The following TNS3 variants were observed in gnomAD, a reference collection of about 807,000 sequenced individuals.
TNS3 encodes tensin 3.
In TNS3, 45 loss-of-function variants were observed where a neutral mutation model predicts 140.9. The observed-to-expected ratio is 0.32, with a 90% CI of 0.25 to 0.41. The LOEUF (loss-of-function observed/expected upper bound fraction) is 0.41, where lower values mean the gene tolerates loss of function less well. TNS3 is among the 10% of genes least tolerant of loss of function. TNS3 has a pLI of 1.00. For missense variants in TNS3, 1,716 were observed against 1,906.7 expected (o/e 0.90, Z 1.86); for synonymous variants, 815 against 788.4 (o/e 1.03, Z -0.56).
At chr7:47,420,502 G>A (rs998235037) in intron 10 of TNS3, among the ~76,000 whole-genome samples, 4 of 152,128 alleles carry the variant, frequency 2.6e-5, no homozygotes, top group Non-Finnish European at 5.9e-5. Flanking sequence ...CCTCAGATAG[G>A]CATGCGTACA....
At chr7:47,382,531 G>C (rs1330979072) in intron 16 of TNS3, among the ~76,000 whole-genome samples, 1 of 152,192 alleles carries the variant, frequency 6.6e-6, no homozygotes, top group Non-Finnish European at 1.5e-5. Context: ...TGTTTGGCCA[G>C]AAGGCAGTTC....
chr7:47,539,240 A>G, intron 1 of TNS3: 1 of 418,094 alleles, frequency 2.4e-6, no homozygotes, highest in South Asian at 1.7e-5. Flanking sequence ...TATGCAAGCC[A>G]GAGTGGAAGG....
At chr7:47,341,120 T>C (rs937457280) in intron 20 of TNS3, among the ~76,000 whole-genome samples, 3 of 152,228 alleles carry the variant, frequency 2.0e-5, no homozygotes, top group South Asian at 4.1e-4. Flanking sequence ...TCAATCTTTT[T>C]ATATATTGCT....
At chr7:47,358,300 G>A (rs1190352653) in intron 17 of TNS3, among the ~76,000 whole-genome samples, 1 of 152,054 alleles carries the variant, frequency 6.6e-6, no homozygotes, top group East Asian at 1.9e-4. Flanking sequence ...ACCATGCCCG[G>A]CTAATTTTTG....
chr7:47,393,777 T>G (rs1792668427), intron 16 of TNS3, among the ~76,000 whole-genome samples: 2 of 152,190 alleles, frequency 1.3e-5, no homozygotes, highest in Admixed American at 1.3e-4. Context: ...CCTGGCTGCC[T>G]TGGCGCCCTA....
intron 4 of TNS3, among the ~76,000 whole-genome samples, chr7:47,475,981 C>A (rs375118366): frequency 6.6e-6 from 1 of 152,204 alleles, no homozygotes; most frequent in Non-Finnish European, 1.5e-5. Flanking sequence ...GACTGGTTCT[C>A]TCCATCAGGA....
At chr7:47,541,948 C>CA (rs11314197) in intron 1 of TNS3, among the ~76,000 whole-genome samples, 3,546 of 130,890 alleles carry the variant, frequency 0.027, 205 homozygotes, top group African/African-American at 0.094. Context: ...GACTCCATCT[C>CA]AAAAAAAAAA....
chr7:47,338,769 T>G (rs958996437), intron 20 of TNS3, among the ~76,000 whole-genome samples: 14 of 152,232 alleles, frequency 9.2e-5, no homozygotes, highest in Non-Finnish European at 7.3e-5. Context: ...TGAGTCCAGG[T>G]CTTTGCTATT....
At chr7:47,518,223 T>C (rs1022086782) in intron 2 of TNS3, among the ~76,000 whole-genome samples, 1 of 152,140 alleles carries the variant, frequency 6.6e-6, no homozygotes, top group Non-Finnish European at 1.5e-5. Context: ...AACTCAGGAA[T>C]GGGGATAAGG....
chr7:47,445,046 G>T (rs557853782), intron 4 of TNS3, among the ~76,000 whole-genome samples: 12 of 152,184 alleles, frequency 7.9e-5, no homozygotes, highest in African/African-American at 2.4e-4. Context: ...GCAGGAAGGA[G>T]GAATTCAGCC....
rs74602914 is a variant in TNS3, at chr7:47,415,009, G to A, written c.586+85C>T. ...CCTGGGCCCTCTCGGAAGGAAAGCC[G>A]AGGCTTATCTAAATTGAGGGGCCCA... is the stretch of plus-strand genomic sequence containing the variant. On this transcript the variant is annotated intron_variant, in intron 11 of 30. Transcript: ENST00000311160. The A allele has an allele frequency of 3.1e-3, 3,110 of 1,006,522 alleles. 80 individuals are homozygous for A. In the African/African-American group the frequency reaches 0.045, roughly 15 times the overall value. The allele number at this position is 1,006,522 out of a possible 1,614,324, so 62.3% of individuals were successfully genotyped here.
At chr7:47,418,859 G>A (rs1397173261) in intron 10 of TNS3, among the ~76,000 whole-genome samples, 1 of 152,216 alleles carries the variant, frequency 6.6e-6, no homozygotes, top group Non-Finnish European at 1.5e-5. Context: ...GAAATGGTGG[G>A]TGCATAAAAA....
At chr7:47,580,151 T>C (rs956378329) in intron 1 of TNS3, among the ~76,000 whole-genome samples, 14 of 152,202 alleles carry the variant, frequency 9.2e-5, no homozygotes, top group African/African-American at 2.2e-4. Flanking sequence ...TGTCTGGACA[T>C]GCATTAGAAT....
chr7:47,324,868 A>T (rs1037687840), intron 20 of TNS3, among the ~76,000 whole-genome samples: 1 of 152,252 alleles, frequency 6.6e-6, no homozygotes, highest in Non-Finnish European at 1.5e-5. Flanking sequence ...TAGTCTGCGC[A>T]TAACTGTATA....
chr7:47,423,331 G>A (rs1794478802), intron 10 of TNS3, among the ~76,000 whole-genome samples: 1 of 152,254 alleles, frequency 6.6e-6, no homozygotes, highest in African/African-American at 2.4e-5. Context: ...TGTGGAGGAA[G>A]TAAGTGCACC....
At chr7:47,386,383 G>A (rs1392566765) in intron 16 of TNS3, among the ~76,000 whole-genome samples, 3 of 152,234 alleles carry the variant, frequency 2.0e-5, no homozygotes, top group African/African-American at 7.2e-5. Context: ...GGCTTTCCCT[G>A]CACTTCGCAT....
At chr7:47,341,870 C>G (rs1562612882) in intron 20 of TNS3, among the ~76,000 whole-genome samples, 1 of 152,066 alleles carries the variant, frequency 6.6e-6, no homozygotes. Flanking sequence ...TGTATTAAAG[C>G]AGTGGATAAA....
At chr7:47,364,277 A>ATT (rs10566032) in intron 17 of TNS3, among the ~76,000 whole-genome samples, 1,659 of 110,516 alleles carry the variant, frequency 0.015, 19 homozygotes, top group African/African-American at 0.057. Flanking sequence ...GTAAGCAATA[A>ATT]TTTTTTTTTT....
chr7:47,282,678 T>C (rs552391037), intron 28 of TNS3, among the ~76,000 whole-genome samples: 33 of 152,296 alleles, frequency 2.2e-4, no homozygotes, highest in African/African-American at 6.3e-4. Context: ...GCATCAAGCA[T>C]TGGGACCCTG....
Sources: allele counts gnomAD v4.1 joint callset (sites outside exome capture counted in the v4.1 genomes callset), GRCh38; gene constraint gnomAD v4.1.1; transcripts MANE v1.5; gene names NCBI Gene and HGNC (gene_info 2026-07-23, HGNC 2026-07-21).